The following PRPF19 variants were observed in gnomAD, a reference collection of about 807,000 sequenced individuals.
PRPF19 encodes the protein pre-mRNA-processing factor 19.
A neutral mutation model predicts 64.2 loss-of-function variants in PRPF19; 2 were observed. The ratio of observed to expected loss-of-function variants is 0.03; its 90% CI spans 0.01 to 0.10. The LOEUF (loss-of-function observed/expected upper bound fraction) is 0.10, where lower values mean the gene tolerates loss of function less well. PRPF19 is among the 10% of genes least tolerant of loss of function. The pLI is 1.00. For missense variants in PRPF19, 314 were observed against 650.0 expected (o/e 0.48, Z 5.62); for synonymous variants, 226 against 251.6 (o/e 0.90, Z 0.96).
chr11:60,899,334 A>C, intron 10 of PRPF19, 30 bp from the exon 11 acceptor site: 1 of 1,590,580 alleles, frequency 6.3e-7, no homozygotes, highest in Non-Finnish European at 8.6e-7. Context: ...AGAATATCAG[A>C]GTCAGAAAAG....
At position 60,900,932 on chromosome 11, in the gene PRPF19, T is replaced by G; in HGVS notation, c.643-3A>C. ...GGAATGCTGGCACTGTGCAACCCCTTTGCAGAGAGACACACCAAACCCTGT... is the reference window on the plus strand; with the variant it reads ...GGAATGCTGGCACTGTGCAACCCCTGTGCAGAGAGACACACCAAACCCTGT... On this transcript the variant is annotated splice_polypyrimidine_tract_variant and splice_region_variant and intron_variant, in intron 8 of 15. Coordinates refer to ENST00000227524, the MANE Select transcript of PRPF19 (RefSeq NM_014502.5). 6.2e-7 allele frequency: 1 copy of G among 1,613,948 alleles called. No homozygotes were observed. Among genetic ancestry groups the G allele is most frequent in the East Asian group, 2.2e-5 (1 of 44,884 alleles).
intron 15 of PRPF19, among the ~76,000 whole-genome samples, chr11:60,891,490 C>G (rs559429086): frequency 1.3e-5 from 2 of 152,262 alleles, no homozygotes; most frequent in South Asian, 2.1e-4. Context: ...CAATGCCAGC[C>G]CCCCCTTCTC....
chr11:60,901,586 G>A (rs761310227), intron 6 of PRPF19, 46 bp from the exon 7 acceptor site: 2 of 1,608,824 alleles, frequency 1.2e-6, no homozygotes, highest in African/African-American at 2.7e-5. Context: ...CTTGCAAGGA[G>A]AAAAGTACAT....
chr11:60,893,278 T>G (rs1252189081), intron 15 of PRPF19, among the ~76,000 whole-genome samples: 1 of 149,750 alleles, frequency 6.7e-6, no homozygotes, highest in Non-Finnish European at 1.5e-5. Context: ...GATCACGAGG[T>G]CAGGAGTTTG....
rs1856049957 is a variant in PRPF19, at chr11:60,906,474, C to T, written c.-92G>A. 4 of 1,376,084 alleles carry T rather than the reference C, an allele frequency of 2.9e-6. No individual in the cohort carries two copies. Among genetic ancestry groups the T allele is most frequent in the Non-Finnish European group, 4.0e-6 (4 of 1,006,452 alleles). The allele number at this position is 1,376,084 out of a possible 1,614,324, so 85.2% of individuals were successfully genotyped here. On this transcript the variant is annotated 5_prime_UTR_variant, in exon 1 of 16. Transcript: ENST00000227524. Reference sequence around the variant, plus strand: ...GCCACTTCCGGTCCCCCGCTGCTGCCGGGACTGCTCCGCGGCGAGCTGGGA... The same window carrying T: ...GCCACTTCCGGTCCCCCGCTGCTGCTGGGACTGCTCCGCGGCGAGCTGGGA...
Position 60,897,884 on chromosome 11 carries a change from T to A in PRPF19, c.1379A>T (p.Tyr460Phe), listed in dbSNP as rs1392543346. 1 of 1,614,214 alleles carries A rather than the reference T, an allele frequency of 6.2e-7. No homozygotes were observed. Among genetic ancestry groups the A allele is most frequent in the Non-Finnish European group, 8.5e-7 (1 of 1,180,036 alleles). The change falls in exon 15 of 16, where the codon TAC becomes TTC. Residue 460 changes from tyrosine (Y) to phenylalanine (F), a missense_variant. Around this residue, in one of 7 missense-constraint regions of PRPF19, gnomAD observed 47 missense variants for 94.5 expected, o/e 0.50. Coordinates refer to ENST00000227524, the MANE Select transcript of PRPF19 (RefSeq NM_014502.5). ...LALGGTDVQI[Y>F]ICKQWTEILH... ...AATCTCCGTCCATTGTTTGCAGATG[T>A]AGATCTGGACATCCGTGCCCCCAAG...
At chr11:60,903,914 G>A in intron 1 of PRPF19, 53 bp from the exon 2 acceptor site, 1 of 1,581,292 alleles carries the variant, frequency 6.3e-7, no homozygotes, top group Non-Finnish European at 8.5e-7. Context: ...CTTGGGCCTA[G>A]AGGATTCCTC....
chr11:60,897,768 G>A (rs1855937375), intron 15 of PRPF19, 78 bp downstream of exon 15: 22 of 1,249,130 alleles, frequency 1.8e-5, no homozygotes, highest in Non-Finnish European at 2.5e-5. Context: ...GCAAGCCCTA[G>A]AAATTCCTAA....
Position 60,891,073 on chromosome 11 carries a change from CTCCCCCCATAGATT to C in PRPF19, c.*79_*92del. ...TGAATGTCCCACCCCACAGAGCCCCCTCCCCCCATAGATTCCCCCCACCCCCCCCCCCAAACCCT... is the reference window on the plus strand; with the variant it reads ...TGAATGTCCCACCCCACAGAGCCCCCCCCCCCACCCCCCCCCCCAAACCCT... On this transcript the variant is annotated 3_prime_UTR_variant, in exon 16 of 16. Transcript: ENST00000227524. 4.6e-6 allele frequency: 1 copy of C among 215,270 alleles called. No individual in the cohort carries two copies. The highest frequency in any genetic ancestry group is 8.8e-6 in the Non-Finnish European group (1 of 113,524). 13.3% of individuals were successfully genotyped at this position (215,270 alleles called of 1,614,324 possible). A position where few individuals can be genotyped will look rare whatever the true frequency, so the allele number is the denominator to read the frequency against.
chr11:60,900,819 C>G (rs200956536), intron 9 of PRPF19, 35 bp downstream of exon 9: 8 of 1,612,744 alleles, frequency 5.0e-6, no homozygotes, highest in Non-Finnish European at 5.9e-6. Context: ...TGCCCCTCCC[C>G]ACTTTGGCCT....
chr11:60,900,883 C>G lies in PRPF19; in HGVS notation c.689G>C (p.Cys230Ser). The change falls in exon 9 of 16, where the codon TGC becomes TCC. Residue 230 changes from cysteine to serine, a missense_variant. Physicochemically the swap from Cys to Ser is moderately radical, Grantham distance 112. This residue lies in a region of PRPF19 where 175 missense variants were observed against 342.9 expected (regional missense o/e 0.51). Transcript: ENST00000227524. ...SIPGILALDL[C>S]PSDTNKILTG... ...GAGGATCTTGTTGGTGTCGGACGGG[C>G]AGAGGTCCAGGGCCAGGATCCCAGG... 6.2e-7 allele frequency: 1 copy of G among 1,614,160 alleles called. No homozygotes were observed. The highest frequency in any genetic ancestry group is 1.1e-5 in the South Asian group (1 of 91,074).
At chr11:60,900,774 C>T in intron 9 of PRPF19, 80 bp downstream of exon 9, 2 of 1,592,922 alleles carry the variant, frequency 1.3e-6, no homozygotes, top group Non-Finnish European at 8.6e-7. Context: ...GTTCCCATGC[C>T]CATGAAGAGG....
chr11:60,899,333 G>T (rs779764378), intron 10 of PRPF19, 29 bp from the exon 11 acceptor site: 1 of 1,594,230 alleles, frequency 6.3e-7, no homozygotes, highest in Admixed American at 1.7e-5. Context: ...CAGAATATCA[G>T]AGTCAGAAAA....
chr11:60,897,037 T>G (rs1855929910), intron 15 of PRPF19, among the ~76,000 whole-genome samples: 1 of 152,196 alleles, frequency 6.6e-6, no homozygotes, highest in Non-Finnish European at 1.5e-5. Flanking sequence ...TGTACTGTGT[T>G]TATAAAGTCT....
At chr11:60,895,690 A>G (rs1356575071) in intron 15 of PRPF19, among the ~76,000 whole-genome samples, 1 of 152,108 alleles carries the variant, frequency 6.6e-6, no homozygotes, top group Non-Finnish European at 1.5e-5. Flanking sequence ...CTTCTTCACT[A>G]AGCTCAATCA....
intron 8 of PRPF19, 95 bp from the exon 9 acceptor site, chr11:60,901,024 T>A: frequency 7.2e-7 from 1 of 1,391,220 alleles, no homozygotes; most frequent in South Asian, 1.2e-5. Flanking sequence ...GTCACCCATG[T>A]TCTCAGGGGA....
chr11:60,903,666 A>G, intron 2 of PRPF19, 46 bp downstream of exon 2: 1 of 1,576,300 alleles, frequency 6.3e-7, no homozygotes, highest in South Asian at 1.2e-5. Flanking sequence ...CCATCCTCTC[A>G]GGCTCTGAGC....
chr11:60,898,956 G>T lies in PRPF19; in HGVS notation c.985-25C>A. On this transcript the variant is annotated intron_variant, in intron 11 of 15. Coordinates refer to ENST00000227524, the MANE Select transcript of PRPF19 (RefSeq NM_014502.5). The surrounding 1 kb of genome is among the most constrained non-coding windows in gnomAD (Gnocchi z 4.6). ...ACTGGGGAAAAAAAAAGAGACAATG[G>T]AGTCAGTGAGAAAGTGGGTCCCAGG... 6.4e-7 allele frequency: 1 copy of T among 1,567,922 alleles called. No homozygotes were observed. The highest frequency in any genetic ancestry group is 2.3e-5 in the East Asian group (1 of 43,620).
At chr11:60,904,878 T>TG (rs1362736195) in intron 1 of PRPF19, among the ~76,000 whole-genome samples, 7 of 152,152 alleles carry the variant, frequency 4.6e-5, no homozygotes, top group African/African-American at 1.7e-4. Context: ...CCCAGGTAAA[T>TG]GGGGGGTAGG....
Sources: gnomAD v4.1 joint callset for allele counts (sites outside exome capture counted in the v4.1 genomes callset) on GRCh38, gnomAD v4.1.1 for gene constraint, gnomAD v4.1.1 regional missense constraint, Gnocchi (gnomAD v3.1) non-coding constraint, MANE v1.5 for transcripts, NCBI Gene and HGNC (gene_info 2026-07-23, HGNC 2026-07-21) for gene names.